POTEE: variants seen among roughly 807,000 people sequenced by gnomAD.
POTEE encodes ANKRD26-like family C member 1A.
POTEE carries 21 observed loss-of-function variants against 74.2 expected under a neutral mutation model. The ratio of observed to expected loss-of-function variants is 0.28; its 90% CI spans 0.20 to 0.41. The LOEUF is 0.41. Ranked by LOEUF, POTEE falls within the 10% of genes least tolerant of loss-of-function variation. The pLI is 1.00. For synonymous variants in POTEE, 211 were observed against 432.8 expected, an observed-to-expected ratio of 0.49 and a Z score of 6.36; for missense variants, 525 against 1,158.6, an observed-to-expected ratio of 0.45 and a Z score of 7.94.
intron 3 of POTEE, chr2:131,218,093 G>A (rs573207496): frequency 5.9e-6 from 3 of 505,820 alleles, no homozygotes; most frequent in South Asian, 4.3e-5. Context: ...TTCTCTGCTG[G>A]GTTTGGCATT....
intron 9 of POTEE, among the ~76,000 whole-genome samples, chr2:131,236,507 G>C (rs1044094141): frequency 2.4e-4 from 36 of 151,942 alleles, no homozygotes; most frequent in Non-Finnish European, 4.7e-4. Context: ...TGGTGGTTTT[G>C]TTCATTTATG....
At chr2:131,232,822 A>G (rs528000470) in intron 9 of POTEE, among the ~76,000 whole-genome samples, 2 of 151,964 alleles carry the variant, frequency 1.3e-5, no homozygotes, top group South Asian at 4.2e-4. Flanking sequence ...AGCTCCAAAC[A>G]TCTTGTTCTC....
At chr2:131,222,380 G>A (rs1313024140) in intron 4 of POTEE, among the ~76,000 whole-genome samples, 75 of 151,622 alleles carry the variant, frequency 4.9e-4, no homozygotes, top group African/African-American at 1.8e-3. Context: ...GATACCTAGA[G>A]GGAAGCAGCA....
chr2:131,209,893 G>C, intron 1 of POTEE, among the ~76,000 whole-genome samples, 74 bp downstream of exon 1: 1 of 151,384 alleles, frequency 6.6e-6, no homozygotes, highest in Non-Finnish European at 1.5e-5. Context: ...CACTGCCCGA[G>C]GCTGCACTGC....
intron 16 of POTEE, among the ~76,000 whole-genome samples, chr2:131,260,454 T>A (rs1292611502): frequency 8.5e-6 from 1 of 118,288 alleles, no homozygotes; most frequent in African/African-American, 3.3e-5. Context: ...GAACATAAGA[T>A]GTATTTTCAT....
rs1335100727 is a variant in POTEE at position 131,218,625 on chromosome 2, A to T, written c.223A>T (p.Ser75Cys). The change falls in exon 4 of 18, where the codon AGT (serine) becomes TGT (cysteine). Residue 75 changes from serine (S) to cysteine (C), a missense_variant. Ser to Cys is a moderately radical substitution (Grantham distance 112). Coordinates refer to ENST00000683005, the MANE Select transcript of POTEE (RefSeq NM_001083538.3). ...CCACTGCTTCCCCTGCTGCAGGGGG[A>T]GTGGCAAGAGCAACGTGGGCGCTTC... ...CHHCFPCCRG[S>C]GKSNVGASGD... 6.8e-6 allele frequency: 11 copies of T among 1,611,268 alleles called. No individual in the cohort carries two copies. The highest frequency in any genetic ancestry group is 1.4e-5 in the African/African-American group (1 of 74,050).
intron 4 of POTEE, among the ~76,000 whole-genome samples, chr2:131,220,331 G>A (rs886905897): frequency 6.7e-6 from 1 of 150,290 alleles, no homozygotes; most frequent in Non-Finnish European, 1.5e-5. Flanking sequence ...AGCCTACTGA[G>A]TAGCTGGGAT....
intron 3 of POTEE, among the ~76,000 whole-genome samples, 75 bp downstream of exon 3, chr2:131,217,758 ACGCCG>A (rs1700477774): frequency 8.9e-5 from 1 of 11,182 alleles, no homozygotes; most frequent in Non-Finnish European, 7.6e-4. Context: ...CGCACGCCGC[ACGCCG>A]CACGCGCACG....
intron 2 of POTEE, among the ~76,000 whole-genome samples, chr2:131,212,332 C>T (rs936731485): frequency 1.3e-4 from 20 of 151,216 alleles, no homozygotes; most frequent in African/African-American, 3.2e-4. Flanking sequence ...ATTTTTCACT[C>T]GTGCAAAAAT....
At chr2:131,214,831 A>G (rs1402959446) in intron 2 of POTEE, among the ~76,000 whole-genome samples, 1 of 150,420 alleles carries the variant, frequency 6.6e-6, no homozygotes, top group Non-Finnish European at 1.5e-5. Context: ...TGGAGCCGTT[A>G]GATTTCTAGG....
intron 6 of POTEE, among the ~76,000 whole-genome samples, chr2:131,225,615 G>A (rs1700760275): frequency 6.8e-6 from 1 of 147,902 alleles, no homozygotes; most frequent in African/African-American, 2.5e-5. Context: ...TTCCCAGGCT[G>A]GAATGCAGTG....
Position 131,209,686 on chromosome 2 carries a change from A to G in POTEE, c.-478A>G, listed in dbSNP as rs1459653425. On this transcript the variant is annotated 5_prime_UTR_variant, in exon 1 of 18. Transcript: ENST00000683005. ...GCGGGAGCTTCTCCTGCCAGGCAGGAAGACGAGTAGAAGGGAGCAGCACCG... is the reference window on the plus strand; with the variant it reads ...GCGGGAGCTTCTCCTGCCAGGCAGGGAGACGAGTAGAAGGGAGCAGCACCG... 1.3e-5 allele frequency among the ~76,000 whole-genome samples: 2 copies of G among 152,260 alleles called. No homozygotes were observed. The highest frequency in any genetic ancestry group is 2.4e-5 in the African/African-American group (1 of 41,470).
intron 13 of POTEE, among the ~76,000 whole-genome samples, chr2:131,246,038 C>A (rs373006622): frequency 6.5e-5 from 9 of 139,258 alleles, no homozygotes; most frequent in South Asian, 4.9e-4. Flanking sequence ...GAGCCCTGCT[C>A]TGGGAGGTCC....
chr2:131,211,261 A>G (rs192028098), intron 2 of POTEE, among the ~76,000 whole-genome samples, 78 bp downstream of exon 2: 4,987 of 150,206 alleles, frequency 0.033, 282 homozygotes, highest in African/African-American at 0.12. Flanking sequence ...CAGCAACTGT[A>G]TTGGCATTGG....
At chr2:131,211,428 C>T (rs1387438485) in intron 2 of POTEE, among the ~76,000 whole-genome samples, 1 of 145,804 alleles carries the variant, frequency 6.9e-6, no homozygotes, top group Non-Finnish European at 1.5e-5. Flanking sequence ...AGGAGTCCTC[C>T]CCCTTCTCTT....
intron 13 of POTEE, among the ~76,000 whole-genome samples, chr2:131,248,470 A>G (rs1473765715): frequency 6.6e-6 from 1 of 152,216 alleles, no homozygotes; most frequent in African/African-American, 2.4e-5. Context: ...CAGAAGAGCA[A>G]AGAGCAGCAG....
In POTEE at chr2:131,264,053, T is replaced by C. The variant is rs774768657; in HGVS notation, c.2598T>C (p.Tyr866=). ...GDGVTHTVPI[Y]EGNALPHATL... ...GGGTCACCCACACTGTGCCCATCTATGAGGGGAATGCCCTCCCCCATGCCA... is the reference window on the plus strand; with the variant it reads ...GGGTCACCCACACTGTGCCCATCTACGAGGGGAATGCCCTCCCCCATGCCA... The change falls in exon 18 of 18, where the codon TAT becomes TAC. Residue 866 remains tyrosine, a synonymous_variant. Transcript: ENST00000683005. 2.3e-5 allele frequency: 37 copies of C among 1,614,116 alleles called. No individual in the cohort carries two copies. Among genetic ancestry groups the C allele is most frequent in the Non-Finnish European group, 3.1e-5 (37 of 1,180,058 alleles).
At chr2:131,228,086 T>A (rs112010504) in intron 7 of POTEE, among the ~76,000 whole-genome samples, 158 bp from the exon 8 acceptor site, 1 of 151,436 alleles carries the variant, frequency 6.6e-6, no homozygotes, top group African/African-American at 2.5e-5. Context: ...CTTGGTGGCA[T>A]TTTACAAAGA....
chr2:131,263,810 C>G lies in POTEE; in HGVS notation c.2355C>G (p.Ile785Met), dbSNP rs768090593. 3.0e-5 allele frequency: 49 copies of G among 1,613,898 alleles called. No individual in the cohort carries two copies. The South Asian group carries it at 5.1e-4, about 17-fold the overall frequency. ...IITNWDDMEK[I>M]WHHTFYNELR... ...CCAACTGGGATGACATGGAGAAGAT[C>G]TGGCACCACACCTTCTACAACGAGC... The change falls in exon 18 of 18, where the codon ATC becomes ATG. Residue 785 changes from isoleucine to methionine, a missense_variant. By Grantham distance (10) the Ile-to-Met change is conservative (BLOSUM62 1). Coordinates refer to ENST00000683005, the MANE Select transcript of POTEE (RefSeq NM_001083538.3).
Sources: gnomAD v4.1 joint callset for allele counts (sites outside exome capture counted in the v4.1 genomes callset) on GRCh38, gnomAD v4.1.1 for gene constraint, MANE v1.5 for transcripts, NCBI Gene and HGNC (gene_info 2026-07-23, HGNC 2026-07-21) for gene names.